ZNF251: variants seen among roughly 807,000 people sequenced by gnomAD.
ZNF251 encodes the protein zinc finger protein 251.
In ZNF251, 14 loss-of-function variants were observed where a neutral mutation model predicts 13.5. The ratio of observed to expected loss-of-function variants is 1.04; its 90% CI spans 0.69 to 1.63. The LOEUF is 1.63. ZNF251 is among the 40% of genes most tolerant of loss of function. The pLI, the probability that ZNF251 is intolerant of heterozygous loss-of-function variation, is 0.00. For missense variants in ZNF251, 764 were observed against 834.9 expected, an observed-to-expected ratio of 0.92 and a Z score of 1.05; for synonymous variants, 287 against 295.2, an observed-to-expected ratio of 0.97 and a Z score of 0.28.
chr8:144,744,009 C>CTTTTTTTT (rs1168495446), intron 4 of ZNF251, among the ~76,000 whole-genome samples: 5 of 88,828 alleles, frequency 5.6e-5, no homozygotes, highest in South Asian at 3.6e-4. Flanking sequence ...CTCTCGTTGT[C>CTTTTTTTT]TTTTTTTTTT....
chr8:144,746,858 C>G (rs1034056873), intron 4 of ZNF251, among the ~76,000 whole-genome samples: 1 of 151,854 alleles, frequency 6.6e-6, no homozygotes, highest in African/African-American at 2.4e-5. Context: ...TGTCCTCTCT[C>G]TTCTTTGTCT....
rs1824852069 is a variant in ZNF251, at chr8:144,754,338, C to A, written c.34-17G>T. 6.3e-7 allele frequency: 1 copy of A among 1,588,848 alleles called. No individual in the cohort carries two copies. The highest frequency in any genetic ancestry group is 2.3e-5 in the East Asian group (1 of 43,764). ...CGGCATCTCCTGCAACAAAACATCGCCGCTGCCCAGGCCATGCCCACGGGG... is the reference window on the plus strand; with the variant it reads ...CGGCATCTCCTGCAACAAAACATCGACGCTGCCCAGGCCATGCCCACGGGG... On this transcript the variant is annotated splice_polypyrimidine_tract_variant and intron_variant, in intron 2 of 4. Transcript: ENST00000292562.
Position 144,722,280 on chromosome 8 carries a change from G to A in ZNF251, c.1380C>T (p.Pro460=). 6.2e-7 allele frequency: 1 copy of A among 1,613,950 alleles called. No individual in the cohort carries two copies. The change falls in exon 5 of 5, where the codon CCC becomes CCT. Residue 460 remains proline, a synonymous_variant. Transcript: ENST00000292562. The surrounding 1 kb of genome is among the most constrained non-coding windows in gnomAD (Gnocchi z 4.8). ...QHRRVHTGEK[P]YQCVECGKAF... is the part of the protein sequence containing the mutation. ...CTTTCCCACATTCAACGCACTGGTAGGGCTTCTCCCCAGTGTGAACTCTTC... is the reference window on the plus strand; with the variant it reads ...CTTTCCCACATTCAACGCACTGGTAAGGCTTCTCCCCAGTGTGAACTCTTC...
chr8:144,740,774 A>C (rs1367185215), intron 4 of ZNF251, among the ~76,000 whole-genome samples: 1 of 151,232 alleles, frequency 6.6e-6, no homozygotes, highest in Non-Finnish European at 1.5e-5. Flanking sequence ...TCTCTACTAA[A>C]AATACAAAAT....
At chr8:144,746,007 T>A (rs941330364) in intron 4 of ZNF251, among the ~76,000 whole-genome samples, 95 of 152,370 alleles carry the variant, frequency 6.2e-4, no homozygotes, top group African/African-American at 2.2e-3. Context: ...ACAGATTTTG[T>A]ACATATTTTG....
In ZNF251 at chr8:144,723,099, A is replaced by G; in HGVS notation, c.561T>C (p.Asp187=). Residue 187 remains aspartate, a synonymous_variant, in exon 5 of 5, where the codon GAT becomes GAC. Coordinates refer to ENST00000292562, the MANE Select transcript of ZNF251 (RefSeq NM_138367.2). ...CATTTTGGTCCAGATTCAAGTTTCT[A>G]TCAAATGCACTACACTCTTGGGTTC... The part of the protein sequence containing the change: ...GERTQECSAF[D]RNLNLDQNVV... The G allele has an allele frequency of 1.9e-6, 3 of 1,614,036 alleles. No homozygotes were observed. The highest frequency in any genetic ancestry group is 2.2e-5 in the South Asian group (2 of 91,080).
intron 4 of ZNF251, among the ~76,000 whole-genome samples, chr8:144,751,773 G>A (rs1001983809): frequency 3.3e-5 from 5 of 152,110 alleles, no homozygotes; most frequent in Non-Finnish European, 5.9e-5. Context: ...GACAAAGATT[G>A]TTAGGATGAA....
At chr8:144,725,085 C>A (rs1171447263) in intron 4 of ZNF251, among the ~76,000 whole-genome samples, 1 of 152,102 alleles carries the variant, frequency 6.6e-6, no homozygotes, top group Admixed American at 6.5e-5. Context: ...ACGATCTCGG[C>A]TCACCACAAC....
intron 4 of ZNF251, among the ~76,000 whole-genome samples, chr8:144,737,391 G>A (rs912215987): frequency 1.3e-5 from 2 of 152,026 alleles, no homozygotes; most frequent in African/African-American, 4.8e-5. Flanking sequence ...AGCCACCTGG[G>A]AGCTACTCGG....
chr8:144,740,302 G>T (rs1227172604), intron 4 of ZNF251, among the ~76,000 whole-genome samples: 1 of 151,516 alleles, frequency 6.6e-6, no homozygotes, highest in African/African-American at 2.4e-5. Context: ...AATAACAACA[G>T]AAAAATACAA....
At chr8:144,740,552 C>A (rs1368115287) in intron 4 of ZNF251, among the ~76,000 whole-genome samples, 1 of 151,880 alleles carries the variant, frequency 6.6e-6, no homozygotes. Context: ...AGGAGAATCA[C>A]TTGAACCTGG....
intron 4 of ZNF251, among the ~76,000 whole-genome samples, chr8:144,738,980 A>G (rs977261216): frequency 6.6e-6 from 1 of 152,118 alleles, no homozygotes; most frequent in Admixed American, 6.5e-5. Flanking sequence ...CAGCCCTCCC[A>G]GGGGACTACA....
At chr8:144,736,648 C>G (rs767957969) in intron 4 of ZNF251, among the ~76,000 whole-genome samples, 115 of 149,898 alleles carry the variant, frequency 7.7e-4, no homozygotes, top group Non-Finnish European at 1.3e-3. Flanking sequence ...GGCGCCACCA[C>G]GCCCAGCTAA....
At chr8:144,747,615 T>C (rs1476024885) in intron 4 of ZNF251, among the ~76,000 whole-genome samples, 2 of 152,200 alleles carry the variant, frequency 1.3e-5, no homozygotes, top group Non-Finnish European at 2.9e-5. Context: ...ACATATTTTG[T>C]TGTTGTTGTT....
At chr8:144,744,047 T>C (rs112087523) in intron 4 of ZNF251, among the ~76,000 whole-genome samples, 10,433 of 132,974 alleles carry the variant, frequency 0.078, 1,449 homozygotes, top group African/African-American at 0.28. Context: ...GGAGTCTCAC[T>C]CTGTCACCCA....
chr8:144,734,412 G>A lies in ZNF251; in HGVS notation c.278-11030C>T, dbSNP rs1823816751. On this transcript the variant is annotated intron_variant, in intron 4 of 4. Coordinates refer to ENST00000292562, the MANE Select transcript of ZNF251 (RefSeq NM_138367.2). This position sits in a 1 kb window ranked among gnomAD's most constrained non-coding sequence, Gnocchi z 4.4. ...CTACGATTGGTGGGCAAAAGCAAAT[G>A]CCCTGAGCACCCGGTTCCTGCCCCA... Among the ~76,000 whole-genome samples, 1 of 152,228 alleles carries A rather than the reference G, an allele frequency of 6.6e-6. No homozygotes were observed. The highest frequency in any genetic ancestry group is 2.4e-5 in the African/African-American group (1 of 41,472).
At chr8:144,737,754 C>T (rs1823966797) in intron 4 of ZNF251, among the ~76,000 whole-genome samples, 1 of 148,154 alleles carries the variant, frequency 6.7e-6, no homozygotes, top group South Asian at 2.2e-4. Flanking sequence ...ATGGCGTGAA[C>T]CCGGGAGGCA....
rs368792251 is a variant in ZNF251 at position 144,754,291 on chromosome 8, C to T, written c.64G>A (p.Val22Met). Residue 22 changes from valine (V) to methionine (M), a missense_variant, in exon 3 of 5, where the codon GTG becomes ATG. Val to Met is a conservative substitution (Grantham distance 21). Transcript: ENST00000292562. ...CGCCCCTCCGCCTGAGAGAAGTACA[C>T]GGCCACATCCTGGAAGGTCAGCGGC... ...EMPLTFQDVAVYFSQAEGRQL... is the reference protein window; with the variant it reads ...EMPLTFQDVAMYFSQAEGRQL... 6.2e-6 allele frequency: 10 copies of T among 1,612,114 alleles called. No homozygotes were observed. The highest frequency in any genetic ancestry group is 3.3e-5 in the South Asian group (3 of 90,864).
chr8:144,723,496 G>C, intron 4 of ZNF251, 114 bp from the exon 5 acceptor site: 1 of 701,508 alleles, frequency 1.4e-6, no homozygotes. Context: ...TGCTCCAATA[G>C]GAAAAGATGT....
Sources: allele counts gnomAD v4.1 joint callset (sites outside exome capture counted in the v4.1 genomes callset), GRCh38; gene constraint gnomAD v4.1.1; non-coding constraint Gnocchi (gnomAD v3.1); transcripts MANE v1.5; gene names NCBI Gene and HGNC (gene_info 2026-07-23, HGNC 2026-07-21).